The following NTRK3 variants were observed in gnomAD, a reference collection of about 807,000 sequenced individuals.
NTRK3 encodes NT-3 growth factor receptor.
In NTRK3, 24 loss-of-function variants were observed where a neutral mutation model predicts 91.7. The ratio of observed to expected loss-of-function variants is 0.26; its 90% CI spans 0.19 to 0.37. The LOEUF is 0.37. Among genes scored for constraint, NTRK3 ranks in the 10% least tolerant of loss-of-function variants. The probability of loss-of-function intolerance (pLI) is 1.00; values close to 1 mark genes in which losing one functional copy is unlikely to be tolerated. For synonymous variants in NTRK3, 483 were observed against 404.0 expected (o/e 1.20, Z -2.34); for missense variants, 880 against 1,068.9 (o/e 0.82, Z 2.46).
Position 88,255,795 on chromosome 15 carries a change from G to T in NTRK3, c.248+111C>A. On this transcript the variant is annotated intron_variant, in intron 3 of 18. Coordinates refer to ENST00000394480, the Ensembl canonical transcript of NTRK3. The surrounding 1 kb of genome is among the most constrained non-coding windows in gnomAD (Gnocchi z 4.3). ...GAGCCTGACGCGCGCCCAGCGGGCG[G>T]CGGGCAGCGGCGAGCTGGGGCGGGC... 2.2e-6 allele frequency: 2 copies of T among 895,250 alleles called. No individual in the cohort carries two copies. Among genetic ancestry groups the T allele is most frequent in the Non-Finnish European group, 3.0e-6 (2 of 662,446 alleles). The allele number at this position is 895,250 out of a possible 1,614,324, so 55.5% of individuals were successfully genotyped here.
intron 14 of NTRK3, among the ~76,000 whole-genome samples, chr15:88,024,086 G>C (rs2077818468): frequency 6.6e-6 from 1 of 152,224 alleles, no homozygotes; most frequent in South Asian, 2.1e-4. Flanking sequence ...CACAGGCTCT[G>C]TGCTCCCCAC....
chr15:88,219,416 T>C (rs989942906), intron 3 of NTRK3, among the ~76,000 whole-genome samples: 5 of 152,202 alleles, frequency 3.3e-5, no homozygotes, highest in Non-Finnish European at 7.3e-5. Flanking sequence ...TGATGAGGCA[T>C]CCCAGAGTCC....
At chr15:88,113,168 C>A (rs2150991527) in intron 13 of NTRK3, among the ~76,000 whole-genome samples, 1 of 152,234 alleles carries the variant, frequency 6.6e-6, no homozygotes, top group South Asian at 2.1e-4. Context: ...AGCTACTATG[C>A]AGGGCTGTAT....
At chr15:88,090,806 A>C (rs2048945749) in intron 13 of NTRK3, among the ~76,000 whole-genome samples, 1 of 151,390 alleles carries the variant, frequency 6.6e-6, no homozygotes, top group South Asian at 2.1e-4. Flanking sequence ...GCTCCTTCCT[A>C]TTTCCCCCAC....
intron 3 of NTRK3, among the ~76,000 whole-genome samples, chr15:88,226,783 G>A (rs754283793): frequency 3.3e-5 from 5 of 152,224 alleles, no homozygotes; most frequent in Non-Finnish European, 7.3e-5. Context: ...CTTGTAGAGA[G>A]CCCTTAGCAT....
chr15:87,992,826 T>A (rs777777039), intron 14 of NTRK3, among the ~76,000 whole-genome samples: 1 of 152,214 alleles, frequency 6.6e-6, no homozygotes, highest in South Asian at 2.1e-4. Context: ...CCCCTCTATA[T>A]GTAGATGCCA....
chr15:88,173,375 C>A (rs552929970), intron 5 of NTRK3, among the ~76,000 whole-genome samples: 3 of 152,276 alleles, frequency 2.0e-5, no homozygotes, highest in Non-Finnish European at 2.9e-5. Context: ...TAATCCTGCC[C>A]GAAATGGGCC....
At chr15:88,042,297 T>G (rs1251950818) in intron 13 of NTRK3, among the ~76,000 whole-genome samples, 1 of 152,152 alleles carries the variant, frequency 6.6e-6, no homozygotes, top group Non-Finnish European at 1.5e-5. Context: ...GAAAATCAAT[T>G]TCTTAATTTT....
intron 14 of NTRK3, among the ~76,000 whole-genome samples, chr15:88,024,713 T>A (rs899618561): frequency 6.6e-6 from 1 of 152,072 alleles, no homozygotes; most frequent in Non-Finnish European, 1.5e-5. Context: ...AGCTTGAAAG[T>A]GACATGTAGG....
chr15:87,984,142 T>C (rs1000493404), intron 14 of NTRK3, among the ~76,000 whole-genome samples: 2 of 152,180 alleles, frequency 1.3e-5, no homozygotes, highest in Non-Finnish European at 2.9e-5. Flanking sequence ...AATTAAAATA[T>C]AGTCATACCC....
chr15:88,249,521 C>A (rs1488219871), intron 3 of NTRK3, among the ~76,000 whole-genome samples: 1 of 152,192 alleles, frequency 6.6e-6, no homozygotes, highest in Admixed American at 6.5e-5. Flanking sequence ...GGGACCCCGG[C>A]TGAGTCCCTG....
chr15:88,015,357 G>T (rs1376517373), intron 14 of NTRK3, among the ~76,000 whole-genome samples: 1 of 152,096 alleles, frequency 6.6e-6, no homozygotes, highest in Non-Finnish European at 1.5e-5. Context: ...CCCCGGGAGG[G>T]AGTCCTTCTC....
chr15:88,018,419 G>C (rs551818077), intron 14 of NTRK3, among the ~76,000 whole-genome samples: 7 of 152,324 alleles, frequency 4.6e-5, no homozygotes, highest in African/African-American at 1.7e-4. Context: ...TCCCAGGTTA[G>C]TAGAAGTGGC....
intron 14 of NTRK3, among the ~76,000 whole-genome samples, chr15:87,989,491 T>G (rs1173016713): frequency 1.3e-5 from 2 of 151,970 alleles, no homozygotes; most frequent in African/African-American, 4.8e-5. Context: ...CATCACACAC[T>G]GGGGCCTGTT....
chr15:87,862,618 TA>T (rs922412522), exon 19 of NTRK3: 78 of 227,968 alleles, frequency 3.4e-4, no homozygotes, highest in African/African-American at 1.7e-3. Flanking sequence ...ATGATGACTC[TA>T]AGATGATATC....
chr15:88,153,325 C>T (rs960352059), intron 5 of NTRK3, among the ~76,000 whole-genome samples: 2 of 152,128 alleles, frequency 1.3e-5, no homozygotes, highest in African/African-American at 2.4e-5. Context: ...TCACTGCAAC[C>T]TCCGCCTCCC....
intron 13 of NTRK3, among the ~76,000 whole-genome samples, chr15:88,125,675 G>C (rs1054220507): frequency 1.3e-5 from 2 of 152,132 alleles, no homozygotes; most frequent in African/African-American, 2.4e-5. Flanking sequence ...CCTTGGCAAA[G>C]AGCCATATCC....
chr15:88,084,718 T>G (rs1597211982), intron 13 of NTRK3, among the ~76,000 whole-genome samples: 2 of 152,280 alleles, frequency 1.3e-5, no homozygotes, highest in East Asian at 3.9e-4. Flanking sequence ...TCCAGCCCAG[T>G]AGAGCTGAAG....
chr15:88,123,956 T>C (rs2053012036), intron 13 of NTRK3, among the ~76,000 whole-genome samples: 2 of 152,320 alleles, frequency 1.3e-5, no homozygotes, highest in South Asian at 4.1e-4. Flanking sequence ...TAATGAGGCA[T>C]GTATGGCTCC....
Sources: allele counts gnomAD v4.1 joint callset (sites outside exome capture counted in the v4.1 genomes callset), GRCh38; gene constraint gnomAD v4.1.1; non-coding constraint Gnocchi (gnomAD v3.1); transcripts MANE v1.5; gene names NCBI Gene and HGNC (gene_info 2026-07-23, HGNC 2026-07-21).